ADAM10: variants seen among roughly 807,000 people sequenced by gnomAD.
The protein encoded by ADAM10 is ADAM metallopeptidase domain 10.
ADAM10 carries 17 observed loss-of-function variants against 90.1 expected under a neutral mutation model. The observed-to-expected ratio is 0.19, with a 90% CI of 0.13 to 0.28. ADAM10 has a LOEUF of 0.28. ADAM10 is among the 10% of genes least tolerant of loss of function. The probability of loss-of-function intolerance (pLI) is 1.00; values close to 1 mark genes in which losing one functional copy is unlikely to be tolerated. For synonymous variants in ADAM10, 310 were observed against 298.6 expected (o/e 1.04, Z -0.40); for missense variants, 610 against 914.3 (o/e 0.67, Z 4.29).
intron 2 of ADAM10, among the ~76,000 whole-genome samples, chr15:58,688,622 T>TA (rs1388938032): frequency 1.4e-5 from 2 of 145,606 alleles, no homozygotes; most frequent in Non-Finnish European, 3.0e-5. Context: ...ATGGGGAAAA[T>TA]ATAAGCACAA....
intron 5 of ADAM10, chr15:58,655,505 G>T (rs980333436): frequency 4.0e-5 from 6 of 150,710 alleles, no homozygotes; most frequent in Non-Finnish European, 8.9e-5. Context: ...TGGGGGATCT[G>T]CCCCCATGAT....
At chr15:58,617,982 A>G (rs1474560061) in intron 11 of ADAM10, among the ~76,000 whole-genome samples, 3 of 152,184 alleles carry the variant, frequency 2.0e-5, no homozygotes, top group Non-Finnish European at 4.4e-5. Flanking sequence ...AGCAATCTAC[A>G]GATTCAATGT....
rs144629870 is a variant in ADAM10, at chr15:58,698,908, T to C, written c.207-16594A>G. Reference sequence around the variant, plus strand: ...ATAAGAGCTGAAAACTTCCCAAATCTAGAAAGCAATTTTGACACCCAGATA... The same window carrying C: ...ATAAGAGCTGAAAACTTCCCAAATCCAGAAAGCAATTTTGACACCCAGATA... On this transcript the variant is annotated intron_variant, in intron 2 of 15. Coordinates refer to ENST00000260408, the MANE Select transcript of ADAM10 (RefSeq NM_001110.4). 3.2e-3 allele frequency among the ~76,000 whole-genome samples: 482 copies of C among 152,208 alleles called. 4 individuals carry two copies. Among genetic ancestry groups the C allele is most frequent in the African/African-American group, 0.011 (462 of 41,540 alleles).
At chr15:58,607,009 T>G (rs1895296144) in intron 14 of ADAM10, among the ~76,000 whole-genome samples, 2 of 152,402 alleles carry the variant, frequency 1.3e-5, no homozygotes, top group South Asian at 4.1e-4. Context: ...TTATCAATAC[T>G]GAAATTTGAA....
intron 2 of ADAM10, among the ~76,000 whole-genome samples, chr15:58,715,433 C>T (rs73426548): frequency 0.011 from 1,657 of 150,426 alleles, 35 homozygotes; most frequent in African/African-American, 0.038. Flanking sequence ...AAAAAAAGTA[C>T]CCTAAAATGA....
chr15:58,651,658 T>C (rs1371344210), intron 5 of ADAM10, among the ~76,000 whole-genome samples: 2 of 152,186 alleles, frequency 1.3e-5, no homozygotes. Flanking sequence ...TCCATTCATC[T>C]ATTAACAGAC....
intron 4 of ADAM10, among the ~76,000 whole-genome samples, chr15:58,668,372 T>C (rs1897123867): frequency 6.6e-6 from 1 of 152,178 alleles, no homozygotes; most frequent in African/African-American, 2.4e-5. Flanking sequence ...TTTACGTGTA[T>C]TTGACTTGGG....
At chr15:58,676,081 T>C (rs757369727) in intron 4 of ADAM10, 16 of 284,662 alleles carry the variant, frequency 5.6e-5, no homozygotes, top group Non-Finnish European at 1.1e-4. Flanking sequence ...CTAAATATAT[T>C]AAGGAGAGAG....
intron 8 of ADAM10, among the ~76,000 whole-genome samples, chr15:58,636,456 T>C (rs1324222474): frequency 6.6e-6 from 1 of 152,198 alleles, no homozygotes; most frequent in African/African-American, 2.4e-5. Context: ...GTATCATATA[T>C]ACCCACAGCT....
intron 8 of ADAM10, 38 bp from the exon 9 acceptor site, chr15:58,633,397 T>C (rs773497263): frequency 6.3e-7 from 1 of 1,577,076 alleles, no homozygotes; most frequent in Non-Finnish European, 8.7e-7. Context: ...TTAGTATCTG[T>C]TTCCCCTTAC....
chr15:58,736,266 C>T (rs1486812121), intron 1 of ADAM10, among the ~76,000 whole-genome samples: 2 of 152,178 alleles, frequency 1.3e-5, no homozygotes, highest in Non-Finnish European at 2.9e-5. Flanking sequence ...AACGTCTTCT[C>T]CTTTCTCTTC....
At chr15:58,625,682 G>A (rs1195789535) in intron 10 of ADAM10, among the ~76,000 whole-genome samples, 2 of 152,086 alleles carry the variant, frequency 1.3e-5, no homozygotes, top group African/African-American at 4.8e-5. Flanking sequence ...AAACTTATAT[G>A]TTTATACAAA....
At chr15:58,727,207 C>CAGAGA (rs1567014727) in intron 1 of ADAM10, among the ~76,000 whole-genome samples, 3 of 70,994 alleles carry the variant, frequency 4.2e-5, no homozygotes, top group African/African-American at 2.5e-4. Flanking sequence ...TTTTTTTTTC[C>CAGAGA]CAAAAACAGC....
chr15:58,680,773 G>C (rs1484483062), intron 3 of ADAM10, among the ~76,000 whole-genome samples: 1 of 152,102 alleles, frequency 6.6e-6, no homozygotes, highest in Non-Finnish European at 1.5e-5. Flanking sequence ...ATTAATCATA[G>C]ACTGGAGGTA....
At chr15:58,736,611 AT>A (rs1899439192) in intron 1 of ADAM10, among the ~76,000 whole-genome samples, 1 of 152,074 alleles carries the variant, frequency 6.6e-6, no homozygotes, top group African/African-American at 2.4e-5. Context: ...AGGGAAAAAA[AT>A]AATATATTAT....
chr15:58,679,310 C>T, intron 3 of ADAM10, 28 bp from the exon 4 acceptor site: 1 of 1,609,282 alleles, frequency 6.2e-7, no homozygotes, highest in South Asian at 1.1e-5. Context: ...AAATTCTTGA[C>T]AATTTAATTT....
At chr15:58,720,623 G>A (rs956682504) in intron 1 of ADAM10, among the ~76,000 whole-genome samples, 1 of 149,944 alleles carries the variant, frequency 6.7e-6, no homozygotes, top group African/African-American at 2.5e-5. Context: ...GGATAGTCTC[G>A]ATCTCCTGAC....
At chr15:58,623,609 T>C (rs548858848) in intron 10 of ADAM10, among the ~76,000 whole-genome samples, 3 of 152,270 alleles carry the variant, frequency 2.0e-5, no homozygotes, top group Admixed American at 6.5e-5. Flanking sequence ...GTGATACATA[T>C]ACACCATGGA....
intron 1 of ADAM10, among the ~76,000 whole-genome samples, chr15:58,725,388 A>G (rs1328055329): frequency 6.7e-6 from 1 of 149,756 alleles, no homozygotes; most frequent in South Asian, 2.1e-4. Flanking sequence ...AAAAAAAAGT[A>G]AAAATTAGCC....
Sources: allele counts gnomAD v4.1 joint callset (sites outside exome capture counted in the v4.1 genomes callset), GRCh38; gene constraint gnomAD v4.1.1; transcripts MANE v1.5; gene names NCBI Gene and HGNC (gene_info 2026-07-23, HGNC 2026-07-21).